Variants in PRKCSH observed in about 807,000 individuals in gnomAD.
PRKCSH encodes PRKCSH beta subunit of glucosidase II, also known as glucosidase 2 subunit beta.
Under a neutral mutation model 79.7 loss-of-function variants are expected in PRKCSH, and 42 were observed. The observed-to-expected ratio is 0.53, with a 90% CI of 0.41 to 0.68. The LOEUF is 0.68. Ranked by LOEUF, PRKCSH falls within the 30% of genes least tolerant of loss-of-function variation. PRKCSH has a pLI of 0.00. For missense variants in PRKCSH, 686 were observed against 709.0 expected (o/e 0.97, Z 0.37); for synonymous variants, 325 against 288.2 (o/e 1.13, Z -1.29).
intron 2 of PRKCSH, 24 bp from the exon 3 acceptor site, chr19:11,436,365 G>A: frequency 1.2e-6 from 2 of 1,610,102 alleles, no homozygotes; most frequent in Non-Finnish European, 1.7e-6. Context: ...ACCTGCCCTG[G>A]GCTGAGCTTC....
intron 2 of PRKCSH, 68 bp from the exon 3 acceptor site, chr19:11,436,321 A>G: frequency 1.3e-6 from 2 of 1,574,472 alleles, no homozygotes; most frequent in African/African-American, 1.3e-5. Context: ...TGGGGATGGG[A>G]GGACAGAGGT....
At chr19:11,441,214 G>A in intron 5 of PRKCSH, 26 bp from the exon 6 acceptor site, 2 of 1,610,714 alleles carry the variant, frequency 1.2e-6, no homozygotes, top group Non-Finnish European at 1.7e-6. Context: ...CCCCACTGGT[G>A]GTGCCTGTGT....
At chr19:11,445,930 G>A in intron 8 of PRKCSH, 1 of 501,580 alleles carries the variant, frequency 2.0e-6, no homozygotes, top group South Asian at 2.2e-5. Flanking sequence ...AATGGGCAAG[G>A]GTGGGGGTGG....
chr19:11,438,462 T>C (rs2144810138), intron 5 of PRKCSH, among the ~76,000 whole-genome samples: 1 of 152,066 alleles, frequency 6.6e-6, no homozygotes, highest in Admixed American at 6.6e-5. Flanking sequence ...AGGTAAAGTA[T>C]ACAACGGAAG....
At chr19:11,438,008 A>AGAGGGAGG in intron 4 of PRKCSH, 37 bp downstream of exon 4, 1 of 1,613,624 alleles carries the variant, frequency 6.2e-7, no homozygotes, top group Non-Finnish European at 8.5e-7. Flanking sequence ...GAAAGGTGGT[A>AGAGGGAGG]GAGGGAGGGA....
chr19:11,435,921 G>T (rs1017239130), intron 1 of PRKCSH, 120 bp from the exon 2 acceptor site: 19 of 908,966 alleles, frequency 2.1e-5, no homozygotes, highest in Non-Finnish European at 3.1e-5. Flanking sequence ...TGGGGAGATC[G>T]CTGCCCCTCG....
chr19:11,439,320 C>T (rs1969936218), intron 5 of PRKCSH, among the ~76,000 whole-genome samples: 1 of 152,034 alleles, frequency 6.6e-6, no homozygotes, highest in Non-Finnish European at 1.5e-5. Flanking sequence ...CCTGTAATCC[C>T]AGCATTTTGG....
At position 11,448,277 on chromosome 19, in the gene PRKCSH, G is replaced by A. The variant is rs1393120376; in HGVS notation, c.1182G>A (p.Met394Ile). The change falls in exon 13 of 18, where the codon ATG becomes ATA. Residue 394 changes from methionine (M) to isoleucine (I), a missense_variant. By Grantham distance (10) the Met-to-Ile change is conservative. Transcript: ENST00000677123. This position sits in a 1 kb window ranked among gnomAD's most constrained non-coding sequence, Gnocchi z 4.4. Reference protein sequence around the residue: ...FEEAERSLKDMEESIRNLEQE... With the variant: ...FEEAERSLKDIEESIRNLEQE... ...AGGCCGAGCGGTCGCTGAAGGACAT[G>A]GAGGAGTCCATCAGGTAGCGGGGGC... 6 of 1,573,390 alleles carry A rather than the reference G, an allele frequency of 3.8e-6. No homozygotes were observed. Among genetic ancestry groups the A allele is most frequent in the African/African-American group, 1.3e-5 (1 of 74,190 alleles).
At chr19:11,440,469 T>TA (rs1386109453) in intron 5 of PRKCSH, among the ~76,000 whole-genome samples, 2 of 141,758 alleles carry the variant, frequency 1.4e-5, no homozygotes, top group Admixed American at 1.4e-4. Flanking sequence ...TTTTTTGAGT[T>TA]AGAGTCTCGC....
Position 11,437,876 on chromosome 19 carries a change from G to C in PRKCSH, c.197G>C (p.Gly66Ala). The change falls in exon 4 of 18, where the codon GGC becomes GCC. Residue 66 changes from glycine to alanine, a missense_variant and splice_region_variant. Around this residue, in one of 2 missense-constraint regions of PRKCSH, gnomAD observed 549 missense variants for 520.2 expected, o/e 1.06. Transcript: ENST00000677123. Reference protein sequence around the residue: ...CDCKDGSDEPGTAACPNGSFH... With the variant: ...CDCKDGSDEPATAACPNGSFH... ...ACCTTCCCTCCCTTCTTCCTCACAG[G>C]CACGGCTGCCTGTCCTAATGGCAGC... 1 of 1,614,020 alleles carries C rather than the reference G, an allele frequency of 6.2e-7. No individual in the cohort carries two copies. Among genetic ancestry groups the C allele is most frequent in the Non-Finnish European group, 8.5e-7 (1 of 1,179,912 alleles).
intron 9 of PRKCSH, 42 bp downstream of exon 9, chr19:11,446,392 T>C (rs1970301652): frequency 6.3e-7 from 1 of 1,593,612 alleles, no homozygotes. Context: ...CTAGGGAGCA[T>C]TGCCCCAGGG....
Position 11,446,348 on chromosome 19 carries a change from C to A in PRKCSH, c.760C>A (p.Gln254Lys). ...TGGGGCGTTGTCAGAAGCGGAAGCTCAGGTACCCCCGGCTGCCCCTTGGTT... is the reference window on the plus strand; with the variant it reads ...TGGGGCGTTGTCAGAAGCGGAAGCTAAGGTACCCCCGGCTGCCCCTTGGTT... ...GDGALSEAEA[Q>K]ALLSGDTQTD... Residue 254 changes from glutamine (Q) to lysine (K), a missense_variant and splice_region_variant, in exon 9 of 18, where the codon CAG becomes AAG. Transcript: ENST00000677123. 6.2e-7 allele frequency: 1 copy of A among 1,613,058 alleles called. No individual in the cohort carries two copies. The highest frequency in any genetic ancestry group is 1.3e-5 in the African/African-American group (1 of 75,008).
rs3217229 is a variant in PRKCSH at position 11,447,525 on chromosome 19, AGAGGAGGAGGAG to A, written c.957_968del (p.Glu322_Glu325del). 255 of 1,583,918 alleles carry A rather than the reference AGAGGAGGAGGAG, an allele frequency of 1.6e-4. 1 individual carries two copies. In the East Asian group the frequency reaches 2.1e-3, roughly 13 times the overall value. On this transcript the variant is annotated inframe_deletion, in exon 11 of 18. Coordinates refer to ENST00000677123, the MANE Select transcript of PRKCSH (RefSeq NM_001289104.2). The surrounding 1 kb of genome is among the most constrained non-coding windows in gnomAD (Gnocchi z 5.6). ...AGCCGCCAGTGCCCTCGTCGCCCAC[AGAGGAGGAGGAG>A]GAGGAGGAGGAGGAGGAGGAAGAAG...
chr19:11,441,385 G>A (rs748761711), intron 6 of PRKCSH, 28 bp downstream of exon 6: 6 of 1,606,858 alleles, frequency 3.7e-6, no homozygotes. Context: ...GCTGCCCCAG[G>A]GTGATCTGGG....
chr19:11,442,531 C>T lies in PRKCSH; in HGVS notation c.598+16C>T, dbSNP rs1970109729. 2 of 1,607,966 alleles carry T rather than the reference C, an allele frequency of 1.2e-6. No homozygotes were observed. The highest frequency in any genetic ancestry group is 1.7e-6 in the Non-Finnish European group (2 of 1,177,610). On this transcript the variant is annotated intron_variant, in intron 7 of 17. Coordinates refer to ENST00000677123, the MANE Select transcript of PRKCSH (RefSeq NM_001289104.2). ...CTGTGGGAAGGTATGGCAGAAATGG[C>T]CAAGGACTCACCTTCAGTCCTGGGT...
intron 7 of PRKCSH, among the ~76,000 whole-genome samples, chr19:11,443,543 T>C (rs1465514023): frequency 7.6e-6 from 1 of 132,444 alleles, no homozygotes; most frequent in Non-Finnish European, 1.6e-5. Context: ...AGACTCCGTC[T>C]CAAAAAAAAA....
chr19:11,445,592 G>A (rs1433164794), intron 8 of PRKCSH, 119 bp downstream of exon 8: 6 of 1,003,632 alleles, frequency 6.0e-6, no homozygotes, highest in East Asian at 5.2e-5. Context: ...TGGGGTCCAG[G>A]CTGATCCCAA....
rs1192968743 is a variant in PRKCSH, at chr19:11,437,128, C to T, written c.196+623C>T. Among the ~76,000 whole-genome samples the T allele has an allele frequency of 1.2e-4, 19 of 152,146 alleles. No homozygotes were observed. In the East Asian group the frequency reaches 3.3e-3, roughly 26 times the overall value. ...TCGGCTCACTGCAAGCTCCGCCTCC[C>T]GGGTTCACACCGTTCTCCTGCCTCA... On this transcript the variant is annotated intron_variant, in intron 3 of 17. Transcript: ENST00000677123.
chr19:11,444,797 C>T (rs1204831355), intron 7 of PRKCSH, among the ~76,000 whole-genome samples: 2 of 152,184 alleles, frequency 1.3e-5, no homozygotes, highest in Admixed American at 6.5e-5. Context: ...GGACCGGTCT[C>T]CCTCCCTGTA....
Sources: gnomAD v4.1 joint callset for allele counts (sites outside exome capture counted in the v4.1 genomes callset) on GRCh38, gnomAD v4.1.1 for gene constraint, gnomAD v4.1.1 regional missense constraint, Gnocchi (gnomAD v3.1) non-coding constraint, MANE v1.5 for transcripts, NCBI Gene and HGNC (gene_info 2026-07-23, HGNC 2026-07-21) for gene names.